KLRG1: variants seen among roughly 807,000 people sequenced by gnomAD.
The protein encoded by KLRG1 is killer cell lectin-like receptor subfamily G member 1.
A neutral mutation model predicts 21.8 loss-of-function variants in KLRG1; 16 were observed. The ratio of observed to expected loss-of-function variants is 0.73; its 90% CI spans 0.50 to 1.11. The LOEUF is 1.11. Among genes scored for constraint, KLRG1 ranks in the 50% most tolerant of loss-of-function variants. The probability of loss-of-function intolerance (pLI) is 0.00; values close to 1 mark genes in which losing one functional copy is unlikely to be tolerated. For missense variants in KLRG1, 173 were observed against 218.3 expected, an observed-to-expected ratio of 0.79 and a Z score of 1.31; for synonymous variants, 69 against 75.9, an observed-to-expected ratio of 0.91 and a Z score of 0.47.
At chr12:9,108,099 G>GTTTATTTTAT in the KLRG1 span, among the ~76,000 whole-genome samples, 1,672 of 148,368 alleles carry the variant, frequency 0.011, 13 homozygotes, top group Middle Eastern at 0.017. Flanking sequence ...AGTTTCACTT[G>GTTTATTTTAT]TTTATTTTAT....
chr12:9,161,761 G>A, the KLRG1 span, among the ~76,000 whole-genome samples: 1 of 152,146 alleles, frequency 6.6e-6, no homozygotes, highest in Admixed American at 6.5e-5. Flanking sequence ...AACTAATAAT[G>A]TGGCGGTTCT....
At chr12:9,047,013 C>T in the KLRG1 span, among the ~76,000 whole-genome samples, 1 of 152,154 alleles carries the variant, frequency 6.6e-6, no homozygotes, top group South Asian at 2.1e-4. Context: ...TGCCACCATA[C>T]TCAGCTAAAT....
At chr12:9,160,927 A>C in the KLRG1 span, 4 of 976,806 alleles carry the variant, frequency 4.1e-6, no homozygotes, top group South Asian at 5.6e-5. Flanking sequence ...AAAAATAAAA[A>C]AGAATAGCAG....
the KLRG1 span, chr12:9,159,965 C>G: frequency 1.2e-6 from 2 of 1,613,746 alleles, no homozygotes; most frequent in Non-Finnish European, 8.5e-7. Context: ...CCTGCCATAT[C>G]GTTCCCCAAA....
At chr12:9,083,687 CAGA>C in the KLRG1 span, among the ~76,000 whole-genome samples, 21 of 145,656 alleles carry the variant, frequency 1.4e-4, no homozygotes, top group African/African-American at 2.5e-5. Context: ...AAAGAAAGTC[CAGA>C]AGAAGAAGAA....
chr12:9,000,262 T>C (rs898840912), intron 3 of KLRG1, among the ~76,000 whole-genome samples: 1 of 152,182 alleles, frequency 6.6e-6, no homozygotes, highest in Non-Finnish European at 1.5e-5. Flanking sequence ...ATTGCTTTAC[T>C]CTGGAGGTCT....
the KLRG1 span, among the ~76,000 whole-genome samples, chr12:9,154,359 G>A: frequency 2.6e-5 from 4 of 152,296 alleles, no homozygotes; most frequent in East Asian, 1.9e-4. Flanking sequence ...TGTGTCCAAT[G>A]ACCATAGCGT....
At chr12:9,158,441 T>C in the KLRG1 span, 1 of 1,614,210 alleles carries the variant, frequency 6.2e-7, no homozygotes, top group Non-Finnish European at 8.5e-7. Context: ...TGTTGAGCAG[T>C]GACCCAGAGC....
the KLRG1 span, among the ~76,000 whole-genome samples, chr12:9,148,121 GA>G: frequency 6.6e-6 from 1 of 151,974 alleles, no homozygotes; most frequent in Non-Finnish European, 1.5e-5. Context: ...ATTTTAAGCA[GA>G]AAAAATTGTG....
chr12:9,198,226 C>A, the KLRG1 span, among the ~76,000 whole-genome samples: 16 of 151,796 alleles, frequency 1.1e-4, no homozygotes, highest in African/African-American at 3.9e-4. Flanking sequence ...TGACATGCAC[C>A]TGTAGTCCTA....
At chr12:9,111,938 T>C in the KLRG1 span, 2 of 699,760 alleles carry the variant, frequency 2.9e-6, no homozygotes, top group Non-Finnish European at 5.4e-6. Context: ...TAAATTTAAT[T>C]GTGTGACAAC....
the KLRG1 span, chr12:9,106,601 T>G: frequency 6.5e-7 from 1 of 1,535,328 alleles, no homozygotes. Context: ...GCCATGGCTG[T>G]TTAGCTAAGA....
chr12:9,181,960 T>C, the KLRG1 span: 1 of 1,611,322 alleles, frequency 6.2e-7, no homozygotes, highest in East Asian at 2.2e-5. Flanking sequence ...TTTAATTTTA[T>C]GTTAAATCGC....
upstream of KLRG1, among the ~76,000 whole-genome samples, chr12:8,984,783 A>G (rs893241502): frequency 6.6e-6 from 1 of 152,122 alleles, no homozygotes; most frequent in African/African-American, 2.4e-5. Flanking sequence ...TCTTTGATCC[A>G]TGGCCCATAT....
At chr12:8,975,136 G>A (rs1417404385) in intron 1 of KLRG1, among the ~76,000 whole-genome samples, 1 of 152,078 alleles carries the variant, frequency 6.6e-6, no homozygotes, top group Non-Finnish European at 1.5e-5. Context: ...CTGACCTCAA[G>A]TGATCTGCCT....
the KLRG1 span, chr12:9,110,019 C>G: frequency 6.2e-7 from 1 of 1,611,258 alleles, no homozygotes; most frequent in South Asian, 1.1e-5. Flanking sequence ...TTGTGCGATG[C>G]GATTTCCTTT....
intron 1 of KLRG1, among the ~76,000 whole-genome samples, chr12:8,984,060 T>G (rs969204453): frequency 2.0e-5 from 3 of 152,194 alleles, no homozygotes; most frequent in African/African-American, 7.2e-5. Context: ...TTGGCATTGT[T>G]CATAGGTCAC....
At chr12:9,068,122 A>G in the KLRG1 span, 1 of 1,556,400 alleles carries the variant, frequency 6.4e-7, no homozygotes, top group Non-Finnish European at 8.8e-7. Context: ...ATGAAGGAGA[A>G]GGTTTGGGGG....
At chr12:8,990,583 A>G (rs1203495725) in intron 1 of KLRG1, among the ~76,000 whole-genome samples, 1 of 152,114 alleles carries the variant, frequency 6.6e-6, no homozygotes, top group African/African-American at 2.4e-5. Flanking sequence ...GGATATCTTT[A>G]TTTGTGTAAC....
Sources: gnomAD v4.1 joint callset for allele counts (sites outside exome capture counted in the v4.1 genomes callset) on GRCh38, gnomAD v4.1.1 for gene constraint, MANE v1.5 for transcripts, NCBI Gene and HGNC (gene_info 2026-07-23, HGNC 2026-07-21) for gene names.